Variants in IGF1R observed in about 807,000 individuals in gnomAD.
IGF1R encodes the protein insulin-like growth factor 1 receptor.
In IGF1R, 44 loss-of-function variants were observed where a neutral mutation model predicts 144.6. The ratio of observed to expected loss-of-function variants is 0.30; its 90% CI spans 0.24 to 0.39. The LOEUF is 0.39. Ranked by LOEUF, IGF1R falls within the 10% of genes least tolerant of loss-of-function variation. IGF1R has a pLI of 1.00. For synonymous variants in IGF1R, 795 were observed against 722.8 expected, an observed-to-expected ratio of 1.10 and a Z score of -1.60; for missense variants, 1,355 against 1,833.7, an observed-to-expected ratio of 0.74 and a Z score of 4.77.
At chr15:98,956,688 T>C (rs1421309036) in intron 20 of IGF1R, among the ~76,000 whole-genome samples, 1 of 152,222 alleles carries the variant, frequency 6.6e-6, no homozygotes, top group African/African-American at 2.4e-5. Context: ...GTTTCAGCAG[T>C]GCCTGCATGA....
intron 18 of IGF1R, among the ~76,000 whole-genome samples, chr15:98,940,751 T>C (rs1233190541): frequency 6.6e-6 from 1 of 152,184 alleles, no homozygotes; most frequent in African/African-American, 2.4e-5. Context: ...TTTTACTCTG[T>C]AGGAGCTAGA....
At chr15:98,735,168 G>A (rs1358900040) in intron 2 of IGF1R, among the ~76,000 whole-genome samples, 1 of 152,126 alleles carries the variant, frequency 6.6e-6, no homozygotes, top group African/African-American at 2.4e-5. Flanking sequence ...ACCACCCCTC[G>A]TTTCAGTCCA....
chr15:98,726,712 ATTTT>A (rs756622481), intron 2 of IGF1R, among the ~76,000 whole-genome samples: 162 of 93,076 alleles, frequency 1.7e-3, no homozygotes, highest in African/African-American at 6.1e-3. Context: ...TACATTGATG[ATTTT>A]TTTTTTTTTT....
chr15:98,907,420 C>T (rs1294161696), intron 5 of IGF1R, among the ~76,000 whole-genome samples: 4 of 152,232 alleles, frequency 2.6e-5, no homozygotes, highest in Non-Finnish European at 5.9e-5. Flanking sequence ...TACGCTGGCT[C>T]TGCAGGGAGG....
intron 1 of IGF1R, among the ~76,000 whole-genome samples, chr15:98,668,102 G>A (rs1481936520): frequency 6.6e-6 from 1 of 152,138 alleles, no homozygotes; most frequent in Non-Finnish European, 1.5e-5. Flanking sequence ...CCATTTCTTG[G>A]CTTGCAGATG....
At chr15:98,916,261 G>C in intron 9 of IGF1R, 130 bp downstream of exon 9, 1 of 555,676 alleles carries the variant, frequency 1.8e-6, no homozygotes, top group South Asian at 2.0e-5. Flanking sequence ...CTATCTTCTG[G>C]TTTTTTTTTT....
chr15:98,866,677 G>A (rs1192185470), intron 2 of IGF1R, among the ~76,000 whole-genome samples: 1 of 152,150 alleles, frequency 6.6e-6, no homozygotes, highest in African/African-American at 2.4e-5. Flanking sequence ...CAGACCTTCA[G>A]GAGCCATGAA....
At chr15:98,838,621 C>T (rs1302420186) in intron 2 of IGF1R, among the ~76,000 whole-genome samples, 1 of 152,196 alleles carries the variant, frequency 6.6e-6, no homozygotes, top group Non-Finnish European at 1.5e-5. Flanking sequence ...GGTCAAAGGG[C>T]GTTGGGCCAG....
At chr15:98,955,020 G>A (rs1228260951) in intron 20 of IGF1R, among the ~76,000 whole-genome samples, 1 of 152,148 alleles carries the variant, frequency 6.6e-6, no homozygotes, top group Non-Finnish European at 1.5e-5. Flanking sequence ...CTGTTGCGCA[G>A]AGAACTCCAT....
At chr15:98,911,611 C>A (rs1242121487) in intron 7 of IGF1R, among the ~76,000 whole-genome samples, 170 bp downstream of exon 7, 1 of 152,166 alleles carries the variant, frequency 6.6e-6, no homozygotes, top group Non-Finnish European at 1.5e-5. Context: ...CGGGCTGTCC[C>A]TGTGATGTCA....
chr15:98,683,011 G>T (rs1262234713), intron 1 of IGF1R, among the ~76,000 whole-genome samples: 1 of 150,718 alleles, frequency 6.6e-6, no homozygotes, highest in African/African-American at 2.4e-5. Context: ...ATGTCACAGT[G>T]TATCTCGTGT....
chr15:98,794,204 T>G (rs954221135), intron 2 of IGF1R, among the ~76,000 whole-genome samples: 4 of 152,214 alleles, frequency 2.6e-5, no homozygotes, highest in Non-Finnish European at 5.9e-5. Context: ...AACGCCAGTC[T>G]AGACTTCCGC....
chr15:98,826,264 G>A (rs932030342), intron 2 of IGF1R, among the ~76,000 whole-genome samples: 9 of 152,196 alleles, frequency 5.9e-5, no homozygotes, highest in East Asian at 3.8e-4. Context: ...CCAAACTAAC[G>A]GTAGGACTTT....
intron 2 of IGF1R, among the ~76,000 whole-genome samples, chr15:98,860,083 T>G (rs2012064357): frequency 6.6e-6 from 1 of 152,188 alleles, no homozygotes; most frequent in South Asian, 2.1e-4. Context: ...ACCTGGCTAA[T>G]TTTTGTATTT....
rs1212972877 is a variant in IGF1R at position 98,926,542 on chromosome 15, CAAT to C, written c.2782+1860_2782+1862del. Among the ~76,000 whole-genome samples the C allele has an allele frequency of 3.9e-5, 6 of 152,178 alleles. No homozygotes were observed. The East Asian group carries it at 9.7e-4, about 25-fold the overall frequency. The stretch of plus-strand genomic sequence containing the variant: ...TCTACAATGTATGCATATTTCAAAA[CAAT>C]ATGTTGTACATGATAAATATACAAT... On this transcript the variant is annotated intron_variant, in intron 13 of 20. Transcript: ENST00000650285.
intron 15 of IGF1R, among the ~76,000 whole-genome samples, chr15:98,934,040 C>T (rs752634279): frequency 2.1e-4 from 32 of 151,968 alleles, no homozygotes; most frequent in East Asian, 7.7e-4. Context: ...TCCAATAATA[C>T]GTTTCGTGTA....
chr15:98,700,211 C>T (rs548439502), intron 1 of IGF1R, among the ~76,000 whole-genome samples: 1 of 152,218 alleles, frequency 6.6e-6, no homozygotes, highest in South Asian at 2.1e-4. Context: ...TGTGCTGAGA[C>T]CTTGAAGGGC....
chr15:98,858,210 T>C (rs1049090224), intron 2 of IGF1R, among the ~76,000 whole-genome samples: 1 of 152,258 alleles, frequency 6.6e-6, no homozygotes, highest in African/African-American at 2.4e-5. Flanking sequence ...TAAAACAAAA[T>C]TGAAACACTC....
intron 2 of IGF1R, among the ~76,000 whole-genome samples, chr15:98,857,844 T>G (rs1048659788): frequency 2.0e-5 from 3 of 152,244 alleles, no homozygotes; most frequent in Non-Finnish European, 4.4e-5. Flanking sequence ...TTGATAAGGA[T>G]AACTGAGACC....
Sources: allele counts gnomAD v4.1 joint callset (sites outside exome capture counted in the v4.1 genomes callset), GRCh38; gene constraint gnomAD v4.1.1; transcripts MANE v1.5; gene names NCBI Gene and HGNC (gene_info 2026-07-23, HGNC 2026-07-21).